Variants in RASAL2 observed in about 807,000 individuals in gnomAD.
RASAL2 encodes ras GTPase-activating protein nGAP.
Under a neutral mutation model 128.9 loss-of-function variants are expected in RASAL2, and 58 were observed. That is an observed-to-expected ratio of 0.45 (90% CI 0.36 to 0.56). The LOEUF is 0.56. RASAL2 is among the 20% of genes least tolerant of loss of function. The pLI is 0.00. For synonymous variants in RASAL2, 561 were observed against 580.8 expected (o/e 0.97, Z 0.49); for missense variants, 1,360 against 1,601.6 (o/e 0.85, Z 2.57).
At chr1:178,123,825 A>G (rs1487897305) in intron 1 of RASAL2, 3 of 152,564 alleles carry the variant, frequency 2.0e-5, no homozygotes, top group South Asian at 2.1e-4. Context: ...GGTGCACGCC[A>G]TGATGCCCCA....
chr1:178,320,686 A>T (rs559476458), intron 3 of RASAL2, among the ~76,000 whole-genome samples: 2 of 151,858 alleles, frequency 1.3e-5, no homozygotes, highest in African/African-American at 4.8e-5. Context: ...ACCTGCGCCC[A>T]CTGTCTGGCA....
intron 3 of RASAL2, among the ~76,000 whole-genome samples, chr1:178,385,698 A>G (rs755808381): frequency 6.6e-6 from 1 of 152,098 alleles, no homozygotes; most frequent in Non-Finnish European, 1.5e-5. Flanking sequence ...CTGTCCTTAT[A>G]TTGGCCAGTA....
At chr1:178,332,634 C>T (rs1008048908) in intron 3 of RASAL2, among the ~76,000 whole-genome samples, 2 of 141,718 alleles carry the variant, frequency 1.4e-5, no homozygotes, top group Non-Finnish European at 3.0e-5. Context: ...TTTTTTGAGA[C>T]GGAGTCTCAC....
At chr1:178,170,592 T>C (rs1367665244) in intron 1 of RASAL2, among the ~76,000 whole-genome samples, 2 of 151,698 alleles carry the variant, frequency 1.3e-5, no homozygotes, top group Non-Finnish European at 2.9e-5. Flanking sequence ...TGGTTTTTAC[T>C]TGGAGGTGGT....
chr1:178,283,842 A>C (rs1289264053), intron 2 of RASAL2, 151 bp downstream of exon 2: 3 of 892,412 alleles, frequency 3.4e-6, no homozygotes, highest in Non-Finnish European at 5.0e-6. Context: ...TAATGTCATA[A>C]AGATATGTTA....
chr1:178,397,646 G>A lies in RASAL2; in HGVS notation c.564+7440G>A, dbSNP rs549567068. On this transcript the variant is annotated intron_variant, in intron 4 of 17. Coordinates refer to ENST00000367649, the MANE Select transcript of RASAL2 (RefSeq NM_170692.4). Reference sequence around the variant, plus strand: ...TTTTTTTTAGATAGGGTCTCGCTGTGTCACCCATGCTGGACTGCAATGGCA... The same window carrying A: ...TTTTTTTTAGATAGGGTCTCGCTGTATCACCCATGCTGGACTGCAATGGCA... Among the ~76,000 whole-genome samples the A allele has an allele frequency of 2.2e-3, 335 of 151,462 alleles. 3 individuals are homozygous for A. Among genetic ancestry groups the A allele is most frequent in the Non-Finnish European group, 9.0e-4 (61 of 67,918 alleles).
chr1:178,443,612 TGA>T (rs1161308935), intron 8 of RASAL2, among the ~76,000 whole-genome samples: 1 of 152,208 alleles, frequency 6.6e-6, no homozygotes, highest in Non-Finnish European at 1.5e-5. Context: ...GTTTAACTGA[TGA>T]CTGTATCCTC....
chr1:178,359,265 A>G (rs1481898992), intron 3 of RASAL2, among the ~76,000 whole-genome samples: 1 of 152,210 alleles, frequency 6.6e-6, no homozygotes, highest in African/African-American at 2.4e-5. Flanking sequence ...AAGGCCAAAT[A>G]CAGGATTTTG....
intron 3 of RASAL2, among the ~76,000 whole-genome samples, chr1:178,335,758 G>A (rs1049119090): frequency 6.6e-6 from 1 of 152,168 alleles, no homozygotes; most frequent in Non-Finnish European, 1.5e-5. Context: ...TGAAAATTCA[G>A]TACATCGTTC....
At chr1:178,262,265 T>C (rs1665733215) in intron 1 of RASAL2, among the ~76,000 whole-genome samples, 1 of 152,176 alleles carries the variant, frequency 6.6e-6, no homozygotes, top group African/African-American at 2.4e-5. Flanking sequence ...GTATTTAAAG[T>C]TCCCAGTATC....
intron 1 of RASAL2, among the ~76,000 whole-genome samples, chr1:178,230,960 G>A (rs1159767596): frequency 2.6e-5 from 4 of 152,090 alleles, no homozygotes; most frequent in Middle Eastern, 3.2e-3. Flanking sequence ...TACCTGAGGC[G>A]TTCTTCTCTT....
In RASAL2 at chr1:178,458,406, C is replaced by T. The variant is rs145850954; in HGVS notation, c.3114C>T (p.Thr1038=). The change falls in exon 14 of 18, where the codon ACC becomes ACT. Residue 1038 remains threonine (T), a synonymous_variant. Coordinates refer to ENST00000367649, the MANE Select transcript of RASAL2 (RefSeq NM_170692.4). ...CACACAGTGCTTCTTTACGTAGCAC[C>T]GGGAGCATGTCAGTGGTGTCCGCAG... is the stretch of plus-strand genomic sequence containing the variant. ...SLPHSASLRS[T]GSMSVVSAAL... 3.3e-4 allele frequency: 533 copies of T among 1,614,174 alleles called. 3 individuals carry two copies. In the East Asian group the frequency reaches 0.011, roughly 32 times the overall value.
intron 3 of RASAL2, among the ~76,000 whole-genome samples, chr1:178,302,949 G>A (rs1431250457): frequency 6.6e-6 from 1 of 151,978 alleles, no homozygotes; most frequent in African/African-American, 2.4e-5. Flanking sequence ...CCCAGGAGGT[G>A]GAGGTTGCAG....
intron 1 of RASAL2, among the ~76,000 whole-genome samples, chr1:178,145,511 T>C (rs316252): frequency 0.95 from 137,386 of 144,306 alleles, 65,773 homozygotes; most frequent in East Asian, 1. Flanking sequence ...TTTTTTCCGT[T>C]GCTCTGAGCA....
Position 178,154,278 on chromosome 1 carries a change from C to T in RASAL2, c.202+59584C>T, listed in dbSNP as rs1209165525. On this transcript the variant is annotated intron_variant, in intron 1 of 17. Coordinates refer to ENST00000367649, the MANE Select transcript of RASAL2 (RefSeq NM_170692.4). ...CCTCCCATCTCAGCCTTCTAAGTAG[C>T]TGGGACTATAACTATGCATCACCAC... Among the ~76,000 whole-genome samples, 4 of 152,066 alleles carry T rather than the reference C, an allele frequency of 2.6e-5. No homozygotes were observed. In the East Asian group the frequency reaches 7.7e-4, roughly 29 times the overall value.
At chr1:178,244,244 A>C (rs1664658452) in intron 1 of RASAL2, among the ~76,000 whole-genome samples, 1 of 148,726 alleles carries the variant, frequency 6.7e-6, no homozygotes, top group Non-Finnish European at 1.5e-5. Context: ...CTTTTATTTC[A>C]TTTTTTTTTT....
chr1:178,318,982 A>T (rs866826855), intron 3 of RASAL2, among the ~76,000 whole-genome samples: 1 of 152,168 alleles, frequency 6.6e-6, no homozygotes, highest in Admixed American at 6.5e-5. Flanking sequence ...CTTTTAGGGC[A>T]GACCTGGTGG....
intron 5 of RASAL2, among the ~76,000 whole-genome samples, chr1:178,426,098 C>A (rs954196488): frequency 6.6e-6 from 1 of 152,088 alleles, no homozygotes; most frequent in African/African-American, 2.4e-5. Flanking sequence ...ACATTTATAT[C>A]TGTAGGTTTT....
At chr1:178,450,118 G>A (rs1557999558) in intron 9 of RASAL2, among the ~76,000 whole-genome samples, 1 of 152,094 alleles carries the variant, frequency 6.6e-6, no homozygotes. Flanking sequence ...TTTTAAAACA[G>A]TCTTTTACTA....
Sources: allele counts gnomAD v4.1 joint callset (sites outside exome capture counted in the v4.1 genomes callset), GRCh38; gene constraint gnomAD v4.1.1; transcripts MANE v1.5; gene names NCBI Gene and HGNC (gene_info 2026-07-23, HGNC 2026-07-21).